CACNA2D1: variants seen among roughly 807,000 people sequenced by gnomAD.
CACNA2D1 encodes calcium voltage-gated channel auxiliary subunit alpha2delta 1, also known as voltage-dependent calcium channel subunit alpha-2/delta-1.
In CACNA2D1, 53 loss-of-function variants were observed where a neutral mutation model predicts 171.5. The ratio of observed to expected loss-of-function variants is 0.31; its 90% CI spans 0.25 to 0.39. CACNA2D1 has a LOEUF of 0.39. Among genes scored for constraint, CACNA2D1 ranks in the 10% least tolerant of loss-of-function variants. The probability of loss-of-function intolerance (pLI) is 1.00; values close to 1 mark genes in which losing one functional copy is unlikely to be tolerated. For synonymous variants in CACNA2D1, 442 were observed against 443.1 expected, an observed-to-expected ratio of 1.00 and a Z score of 0.03; for missense variants, 903 against 1,299.8, an observed-to-expected ratio of 0.69 and a Z score of 4.69.
At chr7:82,416,983 G>C (rs559818382) in intron 1 of CACNA2D1, among the ~76,000 whole-genome samples, 1 of 152,184 alleles carries the variant, frequency 6.6e-6, no homozygotes, top group Non-Finnish European at 1.5e-5. Context: ...CTTAATGCAC[G>C]TAAAGGAAAG....
At chr7:81,965,572 C>T (rs1015002349) in intron 32 of CACNA2D1, 22 bp downstream of exon 32, 18 of 1,292,544 alleles carry the variant, frequency 1.4e-5, no homozygotes, top group Non-Finnish European at 2.0e-5. Flanking sequence ...AAGCCTAATT[C>T]CCTCTTATTT....
rs185961447 is a variant in CACNA2D1, at chr7:82,345,436, A to T, written c.177+4132T>A. ...AGCTTCCAGGAAAAATTTAATCCAC[A>T]CATTATTCTAAACATATTTGCAGAT... On this transcript the variant is annotated intron_variant, in intron 2 of 38. Coordinates refer to ENST00000356860, the MANE Select transcript of CACNA2D1 (RefSeq NM_000722.4). Among the ~76,000 whole-genome samples the T allele has an allele frequency of 4.2e-4, 64 of 152,292 alleles. 2 individuals are homozygous for T. In the East Asian group the frequency reaches 0.012, roughly 29 times the overall value.
intron 3 of CACNA2D1, among the ~76,000 whole-genome samples, chr7:82,286,879 C>A (rs1810851471): frequency 6.6e-6 from 1 of 151,996 alleles, no homozygotes; most frequent in South Asian, 2.1e-4. Context: ...AAATAGACTC[C>A]ATGGGCTGCT....
chr7:82,038,329 G>A, intron 10 of CACNA2D1, 94 bp from the exon 11 acceptor site: 1 of 1,057,204 alleles, frequency 9.5e-7, no homozygotes, highest in Non-Finnish European at 1.4e-6. Context: ...AAACGGTATT[G>A]CATTGCTTAC....
chr7:82,141,846 C>A (rs1792435647), intron 4 of CACNA2D1, among the ~76,000 whole-genome samples: 1 of 152,184 alleles, frequency 6.6e-6, no homozygotes, highest in Non-Finnish European at 1.5e-5. Flanking sequence ...TGTCTTATCA[C>A]TAAAAATTCC....
chr7:82,192,996 A>G (rs950616392), intron 3 of CACNA2D1, among the ~76,000 whole-genome samples: 8 of 149,208 alleles, frequency 5.4e-5, no homozygotes, highest in Non-Finnish European at 1.5e-5. Flanking sequence ...CATCAGTTAA[A>G]CTGGAACTAG....
intron 21 of CACNA2D1, among the ~76,000 whole-genome samples, chr7:81,985,338 A>G (rs1796860569): frequency 6.6e-6 from 1 of 151,538 alleles, no homozygotes; most frequent in South Asian, 2.1e-4. Context: ...AGTAGCTGGG[A>G]CCATAGGCAC....
At chr7:82,321,982 C>T (rs943782638) in intron 3 of CACNA2D1, among the ~76,000 whole-genome samples, 1 of 150,312 alleles carries the variant, frequency 6.7e-6, no homozygotes, top group Non-Finnish European at 1.5e-5. Flanking sequence ...AAAAATTAGC[C>T]GGGCGTAGTG....
chr7:81,978,528 A>G (rs561870694), intron 24 of CACNA2D1, among the ~76,000 whole-genome samples: 4 of 152,080 alleles, frequency 2.6e-5, no homozygotes, highest in East Asian at 3.9e-4. Context: ...GAGTCGAACA[A>G]TAAGAACACA....
At chr7:82,142,351 T>C (rs891845456) in intron 4 of CACNA2D1, among the ~76,000 whole-genome samples, 1 of 152,170 alleles carries the variant, frequency 6.6e-6, no homozygotes, top group East Asian at 1.9e-4. Context: ...CCACATTGTC[T>C]CTTGGGAGTC....
intron 4 of CACNA2D1, among the ~76,000 whole-genome samples, chr7:82,139,115 C>G (rs258709): frequency 1 from 152,206 of 152,318 alleles, 76,047 homozygotes; most frequent in Middle Eastern, 1. Context: ...CAAAAAATAA[C>G]TCAAACCTAT....
At chr7:82,113,161 T>C (rs1289998734) in intron 6 of CACNA2D1, among the ~76,000 whole-genome samples, 1 of 152,142 alleles carries the variant, frequency 6.6e-6, no homozygotes, top group East Asian at 1.9e-4. Context: ...TTTCTTCCTA[T>C]TATTTTCCCT....
chr7:82,186,253 A>AG (rs1194862729), intron 3 of CACNA2D1, among the ~76,000 whole-genome samples: 2,930 of 115,598 alleles, frequency 0.025, 128 homozygotes, highest in East Asian at 0.14. Flanking sequence ...GAAGGAAGGA[A>AG]GAAAGGAAGG....
chr7:82,247,581 A>G (rs540311918), intron 3 of CACNA2D1, among the ~76,000 whole-genome samples: 1 of 152,154 alleles, frequency 6.6e-6, no homozygotes, highest in Non-Finnish European at 1.5e-5. Flanking sequence ...TGTCCAAAGT[A>G]AATCCAAGCA....
At chr7:82,389,573 C>T (rs1264144733) in intron 1 of CACNA2D1, among the ~76,000 whole-genome samples, 2 of 152,080 alleles carry the variant, frequency 1.3e-5, no homozygotes, top group African/African-American at 2.4e-5. Flanking sequence ...TCCTAGTCTC[C>T]CTGCCCCCTG....
At chr7:82,047,299 A>T (rs1226328596) in intron 10 of CACNA2D1, among the ~76,000 whole-genome samples, 1 of 152,164 alleles carries the variant, frequency 6.6e-6, no homozygotes, top group Non-Finnish European at 1.5e-5. Context: ...TGATGAAACA[A>T]TCACATACTG....
intron 1 of CACNA2D1, among the ~76,000 whole-genome samples, chr7:82,423,212 T>C (rs1477028668): frequency 6.6e-6 from 1 of 152,060 alleles, no homozygotes; most frequent in Non-Finnish European, 1.5e-5. Context: ...CAGATATATA[T>C]ATATACATAT....
intron 3 of CACNA2D1, among the ~76,000 whole-genome samples, chr7:82,290,700 G>A (rs563977747): frequency 6.6e-6 from 1 of 151,344 alleles, no homozygotes; most frequent in Admixed American, 6.6e-5. Flanking sequence ...AGGTTTAAGC[G>A]ATGCTCATGC....
chr7:82,363,493 C>G (rs1392478617), intron 1 of CACNA2D1, among the ~76,000 whole-genome samples: 1 of 151,930 alleles, frequency 6.6e-6, no homozygotes. Flanking sequence ...TCTTGATCTC[C>G]TGACCTCTTG....
Sources: allele counts gnomAD v4.1 joint callset (sites outside exome capture counted in the v4.1 genomes callset), GRCh38; gene constraint gnomAD v4.1.1; transcripts MANE v1.5; gene names NCBI Gene and HGNC (gene_info 2026-07-23, HGNC 2026-07-21).